ANO6: variants seen among roughly 807,000 people sequenced by gnomAD.
The protein encoded by ANO6 is anoctamin-6.
In ANO6, 106 loss-of-function variants were observed where a neutral mutation model predicts 117.5. That is an observed-to-expected ratio of 0.90 (90% CI 0.77 to 1.06). The LOEUF (loss-of-function observed/expected upper bound fraction) is 1.06, where lower values mean the gene tolerates loss of function less well. Ranked by LOEUF, ANO6 falls within the 50% of genes least tolerant of loss-of-function variation. The pLI, the probability that ANO6 is intolerant of heterozygous loss-of-function variation, is 0.00. For synonymous variants in ANO6, 367 were observed against 385.1 expected (o/e 0.95, Z 0.55); for missense variants, 955 against 1,121.1 (o/e 0.85, Z 2.12).
At chr12:45,417,396 C>T (rs1415894230) in intron 17 of ANO6, among the ~76,000 whole-genome samples, 1 of 152,154 alleles carries the variant, frequency 6.6e-6, no homozygotes, top group Non-Finnish European at 1.5e-5. Context: ...TTCCTTGACT[C>T]CAGAGCAGCA....
intron 12 of ANO6, among the ~76,000 whole-genome samples, chr12:45,397,711 C>T (rs1942661285): frequency 1.3e-5 from 2 of 152,168 alleles, no homozygotes; most frequent in Admixed American, 6.5e-5. Flanking sequence ...TGGAAACCAT[C>T]ATTCTGAGCA....
chr12:45,367,890 G>C (rs927463103), intron 9 of ANO6, 97 bp downstream of exon 9: 1 of 905,404 alleles, frequency 1.1e-6, no homozygotes, highest in Non-Finnish European at 1.8e-6. Context: ...TTTCCTCTGA[G>C]GAATTAAGAT....
Position 45,427,217 on chromosome 12 carries a change from G to A in ANO6, c.2527-1888G>A, listed in dbSNP as rs143400952. Among the ~76,000 whole-genome samples the A allele has an allele frequency of 8.0e-3, 1,223 of 152,040 alleles. 4 individuals carry two copies. The highest frequency in any genetic ancestry group is 0.013 in the Non-Finnish European group (902 of 67,970). ...CAGAGCCACTATCATTTTTTGCCTG[G>A]ATTAGGGCCAGAGTCTCCTAGCTGG... is the stretch of plus-strand genomic sequence containing the variant. On this transcript the variant is annotated intron_variant, in intron 19 of 19. Coordinates refer to ENST00000320560, the MANE Select transcript of ANO6 (RefSeq NM_001025356.3).
chr12:45,318,264 A>G (rs1940123120), intron 2 of ANO6, among the ~76,000 whole-genome samples: 1 of 152,270 alleles, frequency 6.6e-6, no homozygotes, highest in African/African-American at 2.4e-5. Flanking sequence ...TAGGTCTAAC[A>G]TTTAAGTCTT....
At chr12:45,327,398 T>G (rs1049087032) in intron 2 of ANO6, among the ~76,000 whole-genome samples, 67 of 152,190 alleles carry the variant, frequency 4.4e-4, no homozygotes, top group Admixed American at 3.3e-3. Flanking sequence ...TCAAAAGCTT[T>G]TAAAAAGGCT....
At chr12:45,304,532 C>A (rs1314817379) in intron 2 of ANO6, among the ~76,000 whole-genome samples, 1 of 152,190 alleles carries the variant, frequency 6.6e-6, no homozygotes, top group African/African-American at 2.4e-5. Context: ...GAAGGTCCAA[C>A]TGCAGTTTGT....
chr12:45,272,534 A>G (rs1422933005), intron 1 of ANO6, among the ~76,000 whole-genome samples: 1 of 152,184 alleles, frequency 6.6e-6, no homozygotes, highest in Non-Finnish European at 1.5e-5. Flanking sequence ...CTCTCATGTC[A>G]TAAGAAGAGA....
chr12:45,252,657 A>G (rs1937666447), intron 1 of ANO6, among the ~76,000 whole-genome samples: 1 of 152,140 alleles, frequency 6.6e-6, no homozygotes, highest in South Asian at 2.1e-4. Context: ...AAAGCATTGT[A>G]TTGTTGGAGC....
rs117938435 is a variant in ANO6, at chr12:45,282,530, A to G, written c.71-19484A>G. Among the ~76,000 whole-genome samples the G allele has an allele frequency of 1.4e-4, 22 of 152,310 alleles. 1 individual carries two copies. The East Asian group carries it at 3.9e-3, about 27-fold the overall frequency. ...TCAAAGCTCATTGAGATGTCAAGTA[A>G]GGCAAAAATGTAAAATGGGCATTAG... On this transcript the variant is annotated intron_variant, in intron 1 of 19. Transcript: ENST00000320560.
At chr12:45,330,446 A>C (rs1403030418) in intron 2 of ANO6, among the ~76,000 whole-genome samples, 1 of 152,142 alleles carries the variant, frequency 6.6e-6, no homozygotes, top group East Asian at 1.9e-4. Flanking sequence ...AGTATCACGT[A>C]GTTAAAAAGC....
intron 7 of ANO6, among the ~76,000 whole-genome samples, chr12:45,353,504 A>G (rs1941335910): frequency 6.6e-6 from 1 of 152,076 alleles, no homozygotes. Context: ...CTTCCCAACT[A>G]TTTTAAATAT....
chr12:45,258,120 C>T (rs1046155804), intron 1 of ANO6, among the ~76,000 whole-genome samples: 4 of 152,150 alleles, frequency 2.6e-5, no homozygotes, highest in African/African-American at 7.2e-5. Flanking sequence ...ATTAATCAGT[C>T]GTGTGGTGTT....
chr12:45,423,759 C>G (rs1186750555), intron 19 of ANO6, among the ~76,000 whole-genome samples: 1 of 152,154 alleles, frequency 6.6e-6, no homozygotes, highest in Non-Finnish European at 1.5e-5. Flanking sequence ...TTTATGGCTG[C>G]TGAAATTCCA....
intron 2 of ANO6, among the ~76,000 whole-genome samples, chr12:45,302,922 T>A (rs1295829377): frequency 6.6e-6 from 1 of 152,180 alleles, no homozygotes. Flanking sequence ...AAATGTTTTT[T>A]TATTTATTTT....
At position 45,347,093 on chromosome 12, in the gene ANO6, T is replaced by C; in HGVS notation, c.345+6T>C. The C allele has an allele frequency of 6.2e-7, 1 of 1,613,948 alleles. No individual in the cohort carries two copies. The highest frequency in any genetic ancestry group is 1.7e-4 in the Middle Eastern group (1 of 6,054). On this transcript the variant is annotated splice_donor_region_variant and intron_variant, in intron 4 of 19. Transcript: ENST00000320560. The stretch of plus-strand genomic sequence containing the variant: ...AGTTAGAAGCAACAAGATCAGTAAG[T>C]ACTGGTCCCTTTTCAGCCCTCGGCT...
intron 1 of ANO6, among the ~76,000 whole-genome samples, chr12:45,255,212 C>T (rs896803642): frequency 2.0e-5 from 3 of 152,174 alleles, no homozygotes; most frequent in African/African-American, 7.2e-5. Flanking sequence ...GGCCCTTAAT[C>T]TTGGTCACCT....
rs576555879 is a variant in ANO6 at position 45,216,228 on chromosome 12, G to C, written c.-94G>C. On this transcript the variant is annotated 5_prime_UTR_variant, in exon 1 of 20. Transcript: ENST00000320560. Reference sequence around the variant, plus strand: ...TGAGCCCAAGCGACACACGCCCCGCGGTCCCCGATCCGGCCCCTGGGAGAG... The same window carrying C: ...TGAGCCCAAGCGACACACGCCCCGCCGTCCCCGATCCGGCCCCTGGGAGAG... 1.6e-5 allele frequency: 23 copies of C among 1,413,926 alleles called. No individual in the cohort carries two copies. The highest frequency in any genetic ancestry group is 2.1e-5 in the Non-Finnish European group (22 of 1,025,266). The allele number at this position is 1,413,926 out of a possible 1,614,324, so 87.6% of individuals were successfully genotyped here.
intron 18 of ANO6, among the ~76,000 whole-genome samples, chr12:45,421,477 T>TATATATGTATA (rs1943364038): frequency 6.6e-6 from 1 of 152,206 alleles, no homozygotes. Flanking sequence ...AGAAAATGTA[T>TATATATGTATA]ATATATGTAT....
intron 1 of ANO6, among the ~76,000 whole-genome samples, chr12:45,293,278 G>C (rs991793870): frequency 1.4e-4 from 22 of 152,090 alleles, no homozygotes; most frequent in Admixed American, 2.0e-4. Context: ...TCAGGTTCTT[G>C]GAATATAGAG....
Sources: gnomAD v4.1 joint callset for allele counts (sites outside exome capture counted in the v4.1 genomes callset) on GRCh38, gnomAD v4.1.1 for gene constraint, MANE v1.5 for transcripts, NCBI Gene and HGNC (gene_info 2026-07-23, HGNC 2026-07-21) for gene names.